STAB2: variants seen among roughly 807,000 people sequenced by gnomAD.
The protein encoded by STAB2 is stabilin 2, also known as stabilin-2.
A neutral mutation model predicts 338.1 loss-of-function variants in STAB2; 288 were observed. The observed-to-expected ratio is 0.85, with a 90% CI of 0.77 to 0.94. STAB2 has a LOEUF of 0.94. Among genes scored for constraint, STAB2 ranks in the 40% least tolerant of loss-of-function variants. The probability of loss-of-function intolerance (pLI) is 0.00; values close to 1 mark genes in which losing one functional copy is unlikely to be tolerated. For synonymous variants in STAB2, 1,202 were observed against 1,193.3 expected, an observed-to-expected ratio of 1.01 and a Z score of -0.15; for missense variants, 3,141 against 3,210.1, an observed-to-expected ratio of 0.98 and a Z score of 0.52.
At chr12:103,629,751 T>G (rs1346333230) in intron 5 of STAB2, among the ~76,000 whole-genome samples, 1 of 152,254 alleles carries the variant, frequency 6.6e-6, no homozygotes, top group East Asian at 1.9e-4. Flanking sequence ...TGGTTGGTCA[T>G]GTCATAGCAT....
rs773716852 is a variant in STAB2, at chr12:103,739,462, A to G, written c.5748A>G (p.Lys1916=). 5.7e-6 allele frequency: 9 copies of G among 1,591,740 alleles called. No homozygotes were observed. The South Asian group carries it at 1.0e-4, about 18-fold the overall frequency. The change falls in exon 54 of 69, where the codon AAA becomes AAG. Residue 1916 remains lysine (K), a synonymous_variant. Coordinates refer to ENST00000388887, the MANE Select transcript of STAB2 (RefSeq NM_017564.10). ...CTCCCAGCTGCCCAAGGTGGAGTAA[A>G]CCAAAGGTAATTAAGACTGCAGTGA... ...VNTPSCPRWS[K]PKGVKQKCLY... is the part of the protein sequence containing the mutation.
Position 103,745,199 on chromosome 12 carries a change from T to C in STAB2, c.6058T>C (p.Cys2020Arg). The stretch of plus-strand genomic sequence containing the variant: ...CTGTGGCTGCTCAGACCACGGACAG[T>C]GCGATGATGGCATCACGGGCTCCGG... The part of the protein sequence containing the change: ...LPCGCSDHGQ[C>R]DDGITGSGQC... The change falls in exon 57 of 69, where the codon TGC (cysteine) becomes CGC (arginine). Residue 2020 changes from cysteine (C) to arginine (R), a missense_variant. Cys to Arg is a radical substitution (Grantham distance 180). Coordinates refer to ENST00000388887, the MANE Select transcript of STAB2 (RefSeq NM_017564.10). 6.2e-7 allele frequency: 1 copy of C among 1,614,044 alleles called. No homozygotes were observed. The highest frequency in any genetic ancestry group is 8.5e-7 in the Non-Finnish European group (1 of 1,179,972).
intron 53 of STAB2, among the ~76,000 whole-genome samples, chr12:103,738,781 A>G (rs1882349640): frequency 1.3e-5 from 2 of 152,246 alleles, no homozygotes; most frequent in African/African-American, 4.8e-5. Flanking sequence ...TATACCATTT[A>G]ACTTAAAATG....
At chr12:103,748,546 CTA>C (rs1388989184) in intron 58 of STAB2, among the ~76,000 whole-genome samples, 1 of 151,150 alleles carries the variant, frequency 6.6e-6, no homozygotes, top group Admixed American at 6.6e-5. Flanking sequence ...ACAACAATGT[CTA>C]TCTCACAGGG....
At chr12:103,725,153 C>T (rs537862710) in intron 45 of STAB2, 59 bp downstream of exon 45, 2 of 1,587,480 alleles carry the variant, frequency 1.3e-6, no homozygotes, top group Middle Eastern at 1.7e-4. Flanking sequence ...GCCAAGAATC[C>T]AGGTAGCTAA....
chr12:103,615,241 C>G (rs1231324859), intron 3 of STAB2, among the ~76,000 whole-genome samples: 1 of 151,966 alleles, frequency 6.6e-6, no homozygotes, highest in Non-Finnish European at 1.5e-5. Context: ...GCTAGAGATA[C>G]AAGAGATTAC....
At chr12:103,755,269 A>T (rs1470692427) in intron 61 of STAB2, 33 bp from the exon 62 acceptor site, 20 of 1,606,978 alleles carry the variant, frequency 1.2e-5, no homozygotes, top group Non-Finnish European at 1.6e-5. Flanking sequence ...ATGAACTTGC[A>T]GCTGACCCAT....
chr12:103,738,200 A>C (rs1882307128), intron 53 of STAB2, among the ~76,000 whole-genome samples: 2 of 152,170 alleles, frequency 1.3e-5, no homozygotes, highest in African/African-American at 4.8e-5. Context: ...TGAAAAGGGC[A>C]ATTTCACATA....
At chr12:103,687,600 C>G (rs1443285558) in intron 27 of STAB2, among the ~76,000 whole-genome samples, 5 of 152,142 alleles carry the variant, frequency 3.3e-5, no homozygotes, top group Admixed American at 6.5e-5. Flanking sequence ...TTACTGCATG[C>G]CAGCCTCTAA....
In STAB2 at chr12:103,638,056, T is replaced by C. The variant is rs768802181; in HGVS notation, c.750T>C (p.Ala250=). 51 of 1,614,036 alleles carry C rather than the reference T, an allele frequency of 3.2e-5. No individual in the cohort carries two copies. The highest frequency in any genetic ancestry group is 4.2e-5 in the Non-Finnish European group (49 of 1,180,026). Residue 250 remains alanine (A), a synonymous_variant, in exon 8 of 69, where the codon GCT becomes GCC. Transcript: ENST00000388887. ...TACGAAAAATCTGCCACCCTCATGC[T>C]CATTGTACGTACCTGGGACCAAATC... ...PCLRKICHPH[A]HCTYLGPNRH...
intron 18 of STAB2, among the ~76,000 whole-genome samples, chr12:103,665,206 G>A (rs1281290207): frequency 6.6e-6 from 1 of 152,196 alleles, no homozygotes. Flanking sequence ...TGCATTCTCT[G>A]GAAAGTATTT....
intron 10 of STAB2, among the ~76,000 whole-genome samples, chr12:103,649,835 G>C (rs946639717): frequency 3.9e-5 from 6 of 152,046 alleles, no homozygotes; most frequent in Admixed American, 2.6e-4. Flanking sequence ...ACAGGGGGGA[G>C]GTAGTGTTTT....
At chr12:103,761,086 A>AG (rs1194245644) in intron 65 of STAB2, among the ~76,000 whole-genome samples, 2 of 152,188 alleles carry the variant, frequency 1.3e-5, no homozygotes, top group East Asian at 3.9e-4. Flanking sequence ...ATGACCCATA[A>AG]GGTTCTCTGC....
chr12:103,605,906 A>G (rs1957021449), intron 3 of STAB2, among the ~76,000 whole-genome samples: 1 of 152,010 alleles, frequency 6.6e-6, no homozygotes, highest in South Asian at 2.1e-4. Context: ...TAGGCAACAT[A>G]TAGTTAGTTA....
chr12:103,722,976 A>G (rs1566047884), intron 44 of STAB2, among the ~76,000 whole-genome samples: 1 of 152,174 alleles, frequency 6.6e-6, no homozygotes, highest in African/African-American at 2.4e-5. Context: ...GAGTCAGTCC[A>G]TTAGTTAGTT....
chr12:103,621,636 G>A (rs1468752589), intron 4 of STAB2, among the ~76,000 whole-genome samples: 1 of 152,188 alleles, frequency 6.6e-6, no homozygotes, highest in Non-Finnish European at 1.5e-5. Context: ...GGAGGCTGAA[G>A]CAGGAGAACC....
chr12:103,730,203 C>CA lies in STAB2; in HGVS notation c.5170_5171insA (p.Leu1724HisfsTer34), dbSNP rs1881525464. ...GATTGTTCATATCATAGACAAATTG[C>CA]TATCTCCCAAAAATTTGCTTATCAC... is the stretch of plus-strand genomic sequence containing the variant. On this transcript the variant is annotated frameshift_variant, in exon 49 of 69. Transcript: ENST00000388887. LOFTEE classifies it high-confidence loss of function. The CA allele has an allele frequency of 3.7e-6, 6 of 1,613,500 alleles. No homozygotes were observed. The highest frequency in any genetic ancestry group is 5.1e-6 in the Non-Finnish European group (6 of 1,179,788).
intron 44 of STAB2, among the ~76,000 whole-genome samples, chr12:103,724,006 G>T (rs536824900): frequency 6.6e-6 from 1 of 152,146 alleles, no homozygotes; most frequent in African/African-American, 2.4e-5. Flanking sequence ...TGGGGACAGG[G>T]GTGGTAGAGG....
chr12:103,664,230 G>A (rs919022588), intron 18 of STAB2, among the ~76,000 whole-genome samples: 1 of 152,098 alleles, frequency 6.6e-6, no homozygotes, highest in African/African-American at 2.4e-5. Context: ...TGCAAGCTCT[G>A]CCTCCCGGGT....
Sources: gnomAD v4.1 joint callset for allele counts (sites outside exome capture counted in the v4.1 genomes callset) on GRCh38, gnomAD v4.1.1 for gene constraint, MANE v1.5 for transcripts, NCBI Gene and HGNC (gene_info 2026-07-23, HGNC 2026-07-21) for gene names.